The following SOX7 variants were observed in gnomAD, a reference collection of about 807,000 sequenced individuals.
SOX7 encodes the protein SRY-box transcription factor 7.
A neutral mutation model predicts 24.9 loss-of-function variants in SOX7; 19 were observed. The ratio of observed to expected loss-of-function variants is 0.76; its 90% CI spans 0.53 to 1.12. The LOEUF is 1.12. Ranked by LOEUF, SOX7 falls within the 50% of genes most tolerant of loss-of-function variation. The pLI is 0.00. For synonymous variants in SOX7, 327 were observed against 244.5 expected (o/e 1.34, Z -3.15); for missense variants, 702 against 535.0 (o/e 1.31, Z -3.08).
rs751825913 is a variant in SOX7, at chr8:10,726,506, G to A, written c.399C>T (p.Phe133=). 5 of 1,612,442 alleles carry A rather than the reference G, an allele frequency of 3.1e-6. No individual in the cohort carries two copies. Among genetic ancestry groups the A allele is most frequent in the Non-Finnish European group, 3.4e-6 (4 of 1,179,966 alleles). ...GGTCCCGGGAGAGGGAGCTCAGAAG[G>A]AAGCCCGGGTCCACGCGCTTGCACA... is the stretch of plus-strand genomic sequence containing the variant. ...KRLCKRVDPG[F]LLSSLSRDQN... The change falls in exon 2 of 2, where the codon TTC becomes TTT. Residue 133 remains phenylalanine (F), a synonymous_variant. Coordinates refer to ENST00000304501, the MANE Select transcript of SOX7 (RefSeq NM_031439.4).
intron 1 of SOX7, 131 bp from the exon 2 acceptor site, chr8:10,726,797 G>T (rs1255768872): frequency 1.2e-6 from 1 of 806,912 alleles, no homozygotes; most frequent in Non-Finnish European, 1.9e-6. Context: ...GAGGACACGG[G>T]CATCTCTTGC....
chr8:10,728,743 G>A lies in SOX7; in HGVS notation c.238+1453C>T, dbSNP rs576594394. Among the ~76,000 whole-genome samples, 548 of 152,276 alleles carry A rather than the reference G, an allele frequency of 3.6e-3. 3 individuals carry two copies. The highest frequency in any genetic ancestry group is 0.012 in the African/African-American group (508 of 41,554). On this transcript the variant is annotated intron_variant, in intron 1 of 1. Coordinates refer to ENST00000304501, the MANE Select transcript of SOX7 (RefSeq NM_031439.4). The stretch of plus-strand genomic sequence containing the variant: ...CCATTCCCTGGCCCAGGCCTGCACA[G>A]AATTCCTCCTCTGTCACGGTCACAG...
Position 10,726,449 on chromosome 8 carries a change from G to A in SOX7, c.456C>T (p.Ser152=), listed in dbSNP as rs751768497. The A allele has an allele frequency of 1.2e-6, 2 of 1,612,112 alleles. No homozygotes were observed. The highest frequency in any genetic ancestry group is 1.7e-5 in the Admixed American group (1 of 59,994). The change falls in exon 2 of 2, where the codon AGC becomes AGT. Residue 152 remains serine, a synonymous_variant. Coordinates refer to ENST00000304501, the MANE Select transcript of SOX7 (RefSeq NM_031439.4). Reference sequence around the variant, plus strand: ...CCTCCTTCTCCCCCAGCGCCCCCCGGCTGCCGCTTCTCTTCTCCGGCAGGG... The same window carrying A: ...CCTCCTTCTCCCCCAGCGCCCCCCGACTGCCGCTTCTCTTCTCCGGCAGGG... ...QNALPEKRSG[S]RGALGEKEDR... is the part of the protein sequence containing the mutation.
Position 10,725,547 on chromosome 8 carries a change from C to G in SOX7, c.*191G>C. On this transcript the variant is annotated 3_prime_UTR_variant, in exon 2 of 2. Coordinates refer to ENST00000304501, the MANE Select transcript of SOX7 (RefSeq NM_031439.4). ...AAAATGTGGGCTGCAGGGGCTGGAA[C>G]GTGGGGAAGGGGATAGAGGCGGCAC... The G allele has an allele frequency of 1.6e-6, 1 of 610,320 alleles. No individual in the cohort carries two copies. The highest frequency in any genetic ancestry group is 2.9e-6 in the Non-Finnish European group (1 of 346,996). 37.8% of individuals were successfully genotyped at this position (610,320 alleles called of 1,614,324 possible).
Position 10,726,364 on chromosome 8 carries a change from C to T in SOX7, c.541G>A (p.Gly181Arg), listed in dbSNP as rs769619795. The change falls in exon 2 of 2, where the codon GGG (glycine) becomes AGG (arginine). Residue 181 changes from glycine to arginine, a missense_variant. Coordinates refer to ENST00000304501, the MANE Select transcript of SOX7 (RefSeq NM_031439.4). ...LPSLRGCYHE[G>R]PAGGGGGGTP... ...CCGCCGCCGCCACCACCAGCCGGCC[C>T]CTCGTGGTAGCAGCCCCGGAGGCTG... The T allele has an allele frequency of 1.2e-5, 20 of 1,612,674 alleles. No homozygotes were observed. Among genetic ancestry groups the T allele is most frequent in the Non-Finnish European group, 1.6e-5 (19 of 1,179,570 alleles).
In SOX7 at chr8:10,725,426, C is replaced by T. The variant is rs1299350281; in HGVS notation, c.*312G>A. The T allele has an allele frequency of 2.6e-6, 1 of 389,198 alleles. No individual in the cohort carries two copies. The highest frequency in any genetic ancestry group is 4.7e-6 in the Non-Finnish European group (1 of 215,002). 24.1% of individuals were successfully genotyped at this position (389,198 alleles called of 1,614,324 possible). A position where few individuals can be genotyped will look rare whatever the true frequency, so the allele number is the denominator to read the frequency against. On this transcript the variant is annotated 3_prime_UTR_variant, in exon 2 of 2. Coordinates refer to ENST00000304501, the MANE Select transcript of SOX7 (RefSeq NM_031439.4). Reference sequence around the variant, plus strand: ...ATCAAGTCTGTCCCCCCATTAGTTTCGATGATGGCTACCAAGAAAAGACGT... The same window carrying T: ...ATCAAGTCTGTCCCCCCATTAGTTTTGATGATGGCTACCAAGAAAAGACGT...
Position 10,726,521 on chromosome 8 carries a change from G to A in SOX7, c.384C>T (p.Arg128=), listed in dbSNP as rs754857933. The change falls in exon 2 of 2, where the codon CGC becomes CGT. Residue 128 remains arginine, a synonymous_variant. Coordinates refer to ENST00000304501, the MANE Select transcript of SOX7 (RefSeq NM_031439.4). ...RKKQAKRLCK[R]VDPGFLLSSL... ...AGCTCAGAAGGAAGCCCGGGTCCAC[G>A]CGCTTGCACAGCCGCTTGGCCTGCT... is the stretch of plus-strand genomic sequence containing the variant. 13 of 1,612,484 alleles carry A rather than the reference G, an allele frequency of 8.1e-6. No individual in the cohort carries two copies. Among genetic ancestry groups the A allele is most frequent in the Non-Finnish European group, 1.1e-5 (13 of 1,179,976 alleles).
chr8:10,726,203 G>C lies in SOX7; in HGVS notation c.702C>G (p.Ile234Met). The C allele has an allele frequency of 1.2e-6, 2 of 1,613,128 alleles. No homozygotes were observed. The highest frequency in any genetic ancestry group is 1.7e-6 in the Non-Finnish European group (2 of 1,179,552). Residue 234 changes from isoleucine to methionine, a missense_variant, in exon 2 of 2, where the codon ATC (isoleucine) becomes ATG (methionine). Transcript: ENST00000304501. ...AGTACGGGTGCCCTGGCAGGTGGGGGATGCGGCGGGGATGGCCATGCTCCT... is the reference window on the plus strand; with the variant it reads ...AGTACGGGTGCCCTGGCAGGTGGGGCATGCGGCGGGGATGGCCATGCTCCT... ...CQEEHGHPRRIPHLPGHPYSP... is the reference protein window; with the variant it reads ...CQEEHGHPRRMPHLPGHPYSP...
intron 1 of SOX7, chr8:10,729,666 TGTTTA>T (rs1800222316): frequency 6.6e-6 from 1 of 152,248 alleles, no homozygotes; most frequent in Non-Finnish European, 1.5e-5. Context: ...TCCTCTTAAT[TGTTTA>T]GTTAAAGCAA....
At chr8:10,727,381 G>A (rs970359733) in intron 1 of SOX7, among the ~76,000 whole-genome samples, 3 of 152,146 alleles carry the variant, frequency 2.0e-5, no homozygotes, top group Non-Finnish European at 2.9e-5. Flanking sequence ...CTTCCAGCCA[G>A]CCATCTTTTG....
Position 10,726,613 on chromosome 8 carries a change from C to CTT in SOX7, c.291_292insAA (p.Ala98LysfsTer39). 6.2e-7 allele frequency: 1 copy of CTT among 1,606,140 alleles called. No homozygotes were observed. Among genetic ancestry groups the CTT allele is most frequent in the Non-Finnish European group, 8.5e-7 (1 of 1,178,976 alleles). On this transcript the variant is annotated frameshift_variant, in exon 2 of 2. Transcript: ENST00000304501. LOFTEE classifies it high-confidence loss of function. ...ATGTGCTGCAGGCGCAGCCGCTCCG[C>CTT]CTCGTCCACGTACGGCCTCTTCTGG...
chr8:10,723,859 C>A lies in SOX7; in HGVS notation c.*1879G>T, dbSNP rs1037019040. ...AGTATGAGTTGTTCTTTCAAAAAAA[C>A]GAAACAGTTTAGCTTAATGTCTGTG... On this transcript the variant is annotated 3_prime_UTR_variant, in exon 2 of 2. Transcript: ENST00000304501. 6.6e-6 allele frequency: 1 copy of A among 152,504 alleles called. No individual in the cohort carries two copies. The highest frequency in any genetic ancestry group is 6.5e-5 in the Admixed American group (1 of 15,278). 9.4% of individuals were successfully genotyped at this position (152,504 alleles called of 1,614,324 possible).
In SOX7 at chr8:10,725,641, G is replaced by C. The variant is rs77727642; in HGVS notation, c.*97C>G. The C allele has an allele frequency of 2.3e-6, 3 of 1,331,716 alleles. No individual in the cohort carries two copies. In the Admixed American group the frequency reaches 5.6e-5, roughly 25 times the overall value. 82.5% of individuals were successfully genotyped at this position (1,331,716 alleles called of 1,614,324 possible). A position where few individuals can be genotyped will look rare whatever the true frequency, so the allele number is the denominator to read the frequency against. On this transcript the variant is annotated 3_prime_UTR_variant, in exon 2 of 2. Transcript: ENST00000304501. Reference sequence around the variant, plus strand: ...CAGTTCAGACCTCCCTGCCCTGAGCGGTGGGAGGAAAGCTGGTGTGGCTGG... The same window carrying C: ...CAGTTCAGACCTCCCTGCCCTGAGCCGTGGGAGGAAAGCTGGTGTGGCTGG...
rs148916739 is a variant in SOX7 at position 10,730,290 on chromosome 8, G to A, written c.144C>T (p.Pro48=). 2.9e-4 allele frequency: 453 copies of A among 1,581,734 alleles called. 4 individuals carry two copies. In the East Asian group the frequency reaches 0.011, roughly 38 times the overall value. Residue 48 remains proline, a synonymous_variant, in exon 1 of 2, where the codon CCC becomes CCT. Transcript: ENST00000304501. The surrounding 1 kb of genome is among the most constrained non-coding windows in gnomAD (Gnocchi z 4.8). ...DKGSESRIRR[P]MNAFMVWAKD... is the part of the protein sequence containing the mutation. ...TGGCCCAAACCATGAAGGCGTTCATGGGCCGCCGGATACGGCTCTCGGAGC... is the reference window on the plus strand; with the variant it reads ...TGGCCCAAACCATGAAGGCGTTCATAGGCCGCCGGATACGGCTCTCGGAGC...
chr8:10,729,724 T>C (rs1800223537), intron 1 of SOX7: 1 of 152,398 alleles, frequency 6.6e-6, no homozygotes, highest in Non-Finnish European at 1.5e-5. Context: ...ATTCGTTAAT[T>C]ATAATTTCAT....
At chr8:10,728,943 G>C (rs1800207488) in intron 1 of SOX7, among the ~76,000 whole-genome samples, 1 of 152,228 alleles carries the variant, frequency 6.6e-6, no homozygotes, top group Admixed American at 6.5e-5. Context: ...TAACACATTT[G>C]TCTTTATGCC....
In SOX7 at chr8:10,724,941, C is replaced by G. The variant is rs1221697607; in HGVS notation, c.*797G>C. 6.6e-6 allele frequency: 1 copy of G among 152,146 alleles called. No individual in the cohort carries two copies. Among genetic ancestry groups the G allele is most frequent in the Non-Finnish European group, 1.5e-5 (1 of 68,080 alleles). 9.4% of individuals were successfully genotyped at this position (152,146 alleles called of 1,614,324 possible). ...TTCACCATGTTGTCTAGGCTGGTCT[C>G]AAACTCCTGACCTCAGGTGATCCAC... is the stretch of plus-strand genomic sequence containing the variant. On this transcript the variant is annotated 3_prime_UTR_variant, in exon 2 of 2. Transcript: ENST00000304501.
rs1800098720 is a variant in SOX7 at position 10,724,220 on chromosome 8, G to A, written c.*1518C>T. On this transcript the variant is annotated 3_prime_UTR_variant, in exon 2 of 2. Coordinates refer to ENST00000304501, the MANE Select transcript of SOX7 (RefSeq NM_031439.4). Reference sequence around the variant, plus strand: ...GGGGAAAGATGAAAATATTTTGGGGGCAGGGGTCCAGGGCTCAGAAACATT... The same window carrying A: ...GGGGAAAGATGAAAATATTTTGGGGACAGGGGTCCAGGGCTCAGAAACATT... 1 of 152,174 alleles carries A rather than the reference G, an allele frequency of 6.6e-6. No homozygotes were observed. The highest frequency in any genetic ancestry group is 2.1e-4 in the South Asian group (1 of 4,828). 9.4% of individuals were successfully genotyped at this position (152,174 alleles called of 1,614,324 possible).
At chr8:10,728,224 T>A (rs1224988067) in intron 1 of SOX7, among the ~76,000 whole-genome samples, 2 of 152,226 alleles carry the variant, frequency 1.3e-5, no homozygotes, top group Non-Finnish European at 2.9e-5. Context: ...ATATAACTAA[T>A]AAAATACGTG....
Sources: allele counts gnomAD v4.1 joint callset (sites outside exome capture counted in the v4.1 genomes callset), GRCh38; gene constraint gnomAD v4.1.1; non-coding constraint Gnocchi (gnomAD v3.1); transcripts MANE v1.5; gene names NCBI Gene and HGNC (gene_info 2026-07-23, HGNC 2026-07-21).